ARHGEF4: variants seen among roughly 807,000 people sequenced by gnomAD.
ARHGEF4 encodes Rho guanine nucleotide exchange factor 4.
Under a neutral mutation model 162.0 loss-of-function variants are expected in ARHGEF4, and 119 were observed. The observed-to-expected ratio is 0.73, with a 90% CI of 0.63 to 0.86. The LOEUF (loss-of-function observed/expected upper bound fraction) is 0.86. ARHGEF4 is among the 40% of genes least tolerant of loss of function. The pLI, the probability that ARHGEF4 is intolerant of heterozygous loss-of-function variation, is 0.00. For synonymous variants in ARHGEF4, 1,014 were observed against 979.9 expected (o/e 1.03, Z -0.65); for missense variants, 2,488 against 2,456.0 (o/e 1.01, Z -0.28).
chr2:130,907,634 T>G (rs1680908057), intron 1 of ARHGEF4, among the ~76,000 whole-genome samples: 1 of 152,144 alleles, frequency 6.6e-6, no homozygotes, highest in African/African-American at 2.4e-5. Flanking sequence ...GTGGAGATTA[T>G]GACTGGTATG....
At chr2:131,021,230 T>C (rs1275639426) in intron 4 of ARHGEF4, among the ~76,000 whole-genome samples, 2 of 152,292 alleles carry the variant, frequency 1.3e-5, no homozygotes, top group African/African-American at 2.4e-5. Context: ...CTTCAAACTA[T>C]ACTACAAGGC....
At chr2:130,959,987 C>T (rs1684535740) in intron 4 of ARHGEF4, among the ~76,000 whole-genome samples, 1 of 152,180 alleles carries the variant, frequency 6.6e-6, no homozygotes, top group Admixed American at 6.5e-5. Context: ...AACACTGAAC[C>T]TTCTGTGCTG....
At chr2:130,946,820 TGGCTG>T in intron 4 of ARHGEF4, 185 bp downstream of exon 4, 1 of 756,804 alleles carries the variant, frequency 1.3e-6, no homozygotes. Context: ...AGGGAATTAT[TGGCTG>T]GGCACAGTGG....
At chr2:131,035,129 C>G in intron 5 of ARHGEF4, 1 of 1,177,354 alleles carries the variant, frequency 8.5e-7, no homozygotes, top group Non-Finnish European at 1.0e-6. Context: ...GGCCCCGCGG[C>G]GCCCGGGAAC....
intron 3 of ARHGEF4, among the ~76,000 whole-genome samples, chr2:130,932,501 G>A (rs1013144797): frequency 2.6e-5 from 4 of 152,166 alleles, no homozygotes; most frequent in Non-Finnish European, 5.9e-5. Context: ...GAGCCACCGC[G>A]CCTGGCCTGG....
chr2:130,960,513 T>G (rs1018259090), intron 4 of ARHGEF4, among the ~76,000 whole-genome samples: 2 of 152,160 alleles, frequency 1.3e-5, no homozygotes, highest in Non-Finnish European at 2.9e-5. Flanking sequence ...CTCTATGATG[T>G]TCACACAAGA....
intron 1 of ARHGEF4, among the ~76,000 whole-genome samples, chr2:130,902,186 A>C (rs1171136442): frequency 6.6e-6 from 1 of 152,068 alleles, no homozygotes; most frequent in Non-Finnish European, 1.5e-5. Flanking sequence ...TATAAATTAA[A>C]ATTCTGTGGG....
chr2:130,906,065 A>G (rs1680795154), intron 1 of ARHGEF4, among the ~76,000 whole-genome samples: 1 of 152,158 alleles, frequency 6.6e-6, no homozygotes, highest in Non-Finnish European at 1.5e-5. Context: ...AGCTCTTTTC[A>G]GTTGGCTTCT....
chr2:131,038,829 G>C (rs546591904), intron 5 of ARHGEF4, 24 bp from the exon 6 acceptor site: 27 of 1,584,928 alleles, frequency 1.7e-5, no homozygotes, highest in Non-Finnish European at 2.2e-5. Flanking sequence ...CCACTGACCC[G>C]CCTGCCCGTG....
chr2:130,902,492 G>GTTTATTTGCC (rs1680540640), intron 1 of ARHGEF4, among the ~76,000 whole-genome samples: 11 of 150,140 alleles, frequency 7.3e-5, no homozygotes, highest in Admixed American at 2.0e-4. Flanking sequence ...TACTCGGGAG[G>GTTTATTTGCC]CTGTGGTGGG....
chr2:130,993,768 C>T (rs1024009496), intron 4 of ARHGEF4, among the ~76,000 whole-genome samples: 2 of 151,682 alleles, frequency 1.3e-5, no homozygotes, highest in South Asian at 2.1e-4. Flanking sequence ...TTTTTTGGTT[C>T]TTTTATTTTT....
intron 1 of ARHGEF4, among the ~76,000 whole-genome samples, chr2:130,864,878 A>C (rs189989262): frequency 6.6e-6 from 1 of 152,336 alleles, no homozygotes; most frequent in East Asian, 1.9e-4. Context: ...ATTATAGCTC[A>C]ACAAATCCTT....
At chr2:130,879,212 T>C (rs1252289585) in intron 1 of ARHGEF4, among the ~76,000 whole-genome samples, 1 of 152,250 alleles carries the variant, frequency 6.6e-6, no homozygotes, top group Non-Finnish European at 1.5e-5. Context: ...AGGCAACTTA[T>C]TGAGCAAATA....
At chr2:131,042,074 TC>T in intron 10 of ARHGEF4, 130 bp downstream of exon 10, 1 of 1,334,734 alleles carries the variant, frequency 7.5e-7, no homozygotes, top group Non-Finnish European at 1.0e-6. Flanking sequence ...CAACAGATGC[TC>T]ATGGTGTGAA....
intron 4 of ARHGEF4, among the ~76,000 whole-genome samples, chr2:131,022,448 A>G (rs1689192479): frequency 6.6e-6 from 1 of 152,158 alleles, no homozygotes; most frequent in Non-Finnish European, 1.5e-5. Flanking sequence ...ATTGTACAAC[A>G]GTTCATGGTA....
chr2:130,850,937 G>T, intron 1 of ARHGEF4, among the ~76,000 whole-genome samples: 1 of 152,254 alleles, frequency 6.6e-6, no homozygotes, highest in East Asian at 1.9e-4. Context: ...AGGCCTGAGG[G>T]GCTTCAGGCC....
At chr2:131,017,183 T>C (rs1460573209) in intron 4 of ARHGEF4, among the ~76,000 whole-genome samples, 1 of 152,206 alleles carries the variant, frequency 6.6e-6, no homozygotes, top group Non-Finnish European at 1.5e-5. Flanking sequence ...CCTTTAACGC[T>C]TTCCTATGAA....
At chr2:130,995,888 C>CTTTTT (rs1184456550) in intron 4 of ARHGEF4, among the ~76,000 whole-genome samples, 2 of 136,892 alleles carry the variant, frequency 1.5e-5, no homozygotes, top group Non-Finnish European at 3.2e-5. Context: ...TATTATTCAC[C>CTTTTT]TTTTTTTTTT....
Position 130,916,204 on chromosome 2 carries a change from A to C in ARHGEF4, c.2258A>C (p.Glu753Ala). ...SSGSGERGPE[E>A]APEGGAAAAR... The stretch of plus-strand genomic sequence containing the variant: ...GGGTCAGGGGAGCGTGGCCCGGAGG[A>C]GGCCCCCGAAGGCGGTGCTGCAGCA... The change falls in exon 2 of 14, where the codon GAG (glutamate) becomes GCG (alanine). Residue 753 changes from glutamate (E) to alanine (A), a missense_variant. Physicochemically the swap from Glu to Ala is moderately radical, Grantham distance 107. Coordinates refer to ENST00000409359, the MANE Select transcript of ARHGEF4 (RefSeq NM_001367493.1). 1 of 1,546,532 alleles carries C rather than the reference A, an allele frequency of 6.5e-7. No individual in the cohort carries two copies. The highest frequency in any genetic ancestry group is 8.7e-7 in the Non-Finnish European group (1 of 1,146,116).
Sources: gnomAD v4.1 joint callset for allele counts (sites outside exome capture counted in the v4.1 genomes callset) on GRCh38, gnomAD v4.1.1 for gene constraint, MANE v1.5 for transcripts, NCBI Gene and HGNC (gene_info 2026-07-23, HGNC 2026-07-21) for gene names.